The following DEXI variants were observed in gnomAD, a reference collection of about 807,000 sequenced individuals.
DEXI encodes the protein Dexi homolog, also known as dexamethasone-induced protein.
A neutral mutation model predicts 2.5 loss-of-function variants in DEXI; 2 were observed. That is an observed-to-expected ratio of 0.81 (90% CI 0.33 to 2.55). The LOEUF is 2.55. Among genes scored for constraint, DEXI ranks in the 30% most tolerant of loss-of-function variants. The pLI, the probability that DEXI is intolerant of heterozygous loss-of-function variation, is 0.11. For missense variants in DEXI, 108 were observed against 130.3 expected, an observed-to-expected ratio of 0.83 and a Z score of 0.83; for synonymous variants, 71 against 68.7, an observed-to-expected ratio of 1.03 and a Z score of -0.17.
rs1053564337 is a variant in DEXI at position 10,938,391 on chromosome 16, C to T, written c.*149+3178G>A. On this transcript the variant is annotated intron_variant, in intron 1 of 1. Coordinates refer to ENST00000331808, the MANE Select transcript of DEXI (RefSeq NM_014015.4). The surrounding 1 kb of genome is among the most constrained non-coding windows in gnomAD (Gnocchi z 4.9). Reference sequence around the variant, plus strand: ...AGAGAAAAAAAAAAAAAAGAGGGAGCAAAAGTAGGTGCACCTGTTCATCTT... The same window carrying T: ...AGAGAAAAAAAAAAAAAAGAGGGAGTAAAAGTAGGTGCACCTGTTCATCTT... 6.6e-6 allele frequency: 1 copy of T among 151,270 alleles called. No individual in the cohort carries two copies. Among genetic ancestry groups the T allele is most frequent in the Non-Finnish European group, 1.5e-5 (1 of 67,834 alleles). 9.4% of individuals were successfully genotyped at this position (151,270 alleles called of 1,614,324 possible).
At chr16:10,932,027 G>A (rs77748927) in intron 1 of DEXI, 1 of 152,256 alleles carries the variant, frequency 6.6e-6, no homozygotes, top group Non-Finnish European at 1.5e-5. Flanking sequence ...TGAGGATTTT[G>A]ATCCAAGCTG....
chr16:10,937,822 T>G lies in DEXI; in HGVS notation c.*149+3747A>C, dbSNP rs2041050221. The G allele has an allele frequency of 6.6e-6, 1 of 152,052 alleles. No individual in the cohort carries two copies. The highest frequency in any genetic ancestry group is 2.1e-4 in the South Asian group (1 of 4,828). The allele number at this position is 152,052 out of a possible 1,614,324, so 9.4% of individuals were successfully genotyped here. ...TGCTCCTGGGCAACAATTAACACTCTAGGAAAACCACAGAGCCGGCTATCC... is the reference window on the plus strand; with the variant it reads ...TGCTCCTGGGCAACAATTAACACTCGAGGAAAACCACAGAGCCGGCTATCC... On this transcript the variant is annotated intron_variant, in intron 1 of 1. Coordinates refer to ENST00000331808, the MANE Select transcript of DEXI (RefSeq NM_014015.4). The surrounding 1 kb of genome is among the most constrained non-coding windows in gnomAD (Gnocchi z 4.2).
At chr16:10,933,231 A>G (rs2040874835) in intron 1 of DEXI, 1 of 152,318 alleles carries the variant, frequency 6.6e-6, no homozygotes, top group Non-Finnish European at 1.5e-5. Context: ...TTCTGTAGTC[A>G]GAATGACAGT....
rs1384361889 is a variant in DEXI at position 10,941,876 on chromosome 16, C to G, written c.130G>C (p.Ala44Pro). 10 of 1,611,834 alleles carry G rather than the reference C, an allele frequency of 6.2e-6. No homozygotes were observed. Among genetic ancestry groups the G allele is most frequent in the Non-Finnish European group, 7.6e-6 (9 of 1,179,676 alleles). ...AGGACGATGTACTCCATGAGGAAGG[C>G]GTAGTACAGGATCAGCACATTGACG... Reference protein sequence around the residue: ...FFVNVLILYYAFLMEYIVLNV... With the variant: ...FFVNVLILYYPFLMEYIVLNV... The change falls in exon 1 of 2, where the codon GCC (alanine) becomes CCC (proline). Residue 44 changes from alanine to proline, a missense_variant. Physicochemically the swap from Ala to Pro is conservative, Grantham distance 27. Transcript: ENST00000331808. This position sits in a 1 kb window ranked among gnomAD's most constrained non-coding sequence, Gnocchi z 6.4.
In DEXI at chr16:10,929,549, G is replaced by T. The variant is rs60453756; in HGVS notation, c.*160C>A. 2,508 of 985,460 alleles carry T rather than the reference G, an allele frequency of 2.5e-3. 22 individuals are homozygous for T. The highest frequency in any genetic ancestry group is 0.025 in the African/African-American group (1,451 of 57,326). 61.0% of individuals were successfully genotyped at this position (985,460 alleles called of 1,614,324 possible). A position where few individuals can be genotyped will look rare whatever the true frequency, so the allele number is the denominator to read the frequency against. On this transcript the variant is annotated 3_prime_UTR_variant, in exon 2 of 2. Transcript: ENST00000331808. This position sits in a 1 kb window ranked among gnomAD's most constrained non-coding sequence, Gnocchi z 4.3. ...CTCTCTGTTGGCACGAAGCTTTTGA[G>T]GGGAGCAGGTCTAACAAGAAGGAAA... is the stretch of plus-strand genomic sequence containing the variant.
At position 10,941,822 on chromosome 16, in the gene DEXI, C is replaced by T. The variant is rs765635147; in HGVS notation, c.184G>A (p.Asp62Asn). Residue 62 changes from aspartate to asparagine, a missense_variant, in exon 1 of 2, where the codon GAC becomes AAC. Physicochemically the swap from Asp to Asn is conservative, Grantham distance 23 (BLOSUM62 1). Transcript: ENST00000331808. This position sits in a 1 kb window ranked among gnomAD's most constrained non-coding sequence, Gnocchi z 6.4. The stretch of plus-strand genomic sequence containing the variant: ...AGGTCCACGAGCGCCTGGTCCATGT[C>T]CTCGGGCAGGAAGACGAGGCCCACG... ...LNVGLVFLPE[D>N]MDQALVDLGV... 5.6e-6 allele frequency: 9 copies of T among 1,613,532 alleles called. No homozygotes were observed. Among genetic ancestry groups the T allele is most frequent in the Non-Finnish European group, 7.6e-6 (9 of 1,179,852 alleles).
Position 10,941,505 on chromosome 16 carries a change from A to C in DEXI, c.*149+64T>G. 7.3e-7 allele frequency: 1 copy of C among 1,372,052 alleles called. No individual in the cohort carries two copies. The highest frequency in any genetic ancestry group is 2.8e-5 in the East Asian group (1 of 35,388). 85.0% of individuals were successfully genotyped at this position (1,372,052 alleles called of 1,614,324 possible). A position where few individuals can be genotyped will look rare whatever the true frequency, so the allele number is the denominator to read the frequency against. ...GGGAGGGGTGTGTATCCGGCCTGGG[A>C]ATTCCTCCCTCTCCCTTGCTAGCGC... On this transcript the variant is annotated intron_variant, in intron 1 of 1. Coordinates refer to ENST00000331808, the MANE Select transcript of DEXI (RefSeq NM_014015.4). The surrounding 1 kb of genome is among the most constrained non-coding windows in gnomAD (Gnocchi z 6.4).
In DEXI at chr16:10,941,793, G is replaced by A; in HGVS notation, c.213C>T (p.Gly71=). 1 of 1,613,698 alleles carries A rather than the reference G, an allele frequency of 6.2e-7. No homozygotes were observed. Among genetic ancestry groups the A allele is most frequent in the South Asian group, 1.1e-5 (1 of 91,068 alleles). The change falls in exon 1 of 2, where the codon GGC becomes GGT. Residue 71 remains glycine (G), a synonymous_variant. Coordinates refer to ENST00000331808, the MANE Select transcript of DEXI (RefSeq NM_014015.4). This position sits in a 1 kb window ranked among gnomAD's most constrained non-coding sequence, Gnocchi z 6.4. ...EDMDQALVDL[G]VLSDPGSGLY... Reference sequence around the variant, plus strand: ...GGCCCGAGCCGGGGTCGGAGAGCACGCCGAGGTCCACGAGCGCCTGGTCCA... The same window carrying A: ...GGCCCGAGCCGGGGTCGGAGAGCACACCGAGGTCCACGAGCGCCTGGTCCA...
intron 1 of DEXI, chr16:10,935,831 GTA>G (rs2041001169): frequency 6.6e-6 from 1 of 152,164 alleles, no homozygotes; most frequent in Admixed American, 6.5e-5. Context: ...CACCAGCCTT[GTA>G]CTCTGCTTAA....
chr16:10,941,581 C>A lies in DEXI; in HGVS notation c.*137G>T. 1 of 1,460,098 alleles carries A rather than the reference C, an allele frequency of 6.8e-7. No individual in the cohort carries two copies. The highest frequency in any genetic ancestry group is 1.5e-5 in the South Asian group (1 of 68,262). 90.4% of individuals were successfully genotyped at this position (1,460,098 alleles called of 1,614,324 possible). The stretch of plus-strand genomic sequence containing the variant: ...AGAGGGCACTTACAGGCCTCGGAGG[C>A]AGGGGAGGGTCTCCTCCTGGGGAAC... On this transcript the variant is annotated 3_prime_UTR_variant, in exon 1 of 2. Transcript: ENST00000331808. The surrounding 1 kb of genome is among the most constrained non-coding windows in gnomAD (Gnocchi z 6.4).
rs548719759 is a variant in DEXI at position 10,941,655 on chromosome 16, G to A, written c.*63C>T. On this transcript the variant is annotated 3_prime_UTR_variant, in exon 1 of 2. Transcript: ENST00000331808. The surrounding 1 kb of genome is among the most constrained non-coding windows in gnomAD (Gnocchi z 6.4). ...CAACCAGCTGCGGCGGCATGATCTG[G>A]GCGGCTGGTCCAGGGCATGGGTTGC... 1.9e-5 allele frequency: 29 copies of A among 1,542,384 alleles called. No individual in the cohort carries two copies. In the East Asian group the frequency reaches 2.3e-4, roughly 12 times the overall value.
In DEXI at chr16:10,929,070, G is replaced by C; in HGVS notation, c.*639C>G. ...GTTTTGCCAACTTGCTGAAGAACGA[G>C]TAACCTGAAATGAAGGAGCGAGAAT... On this transcript the variant is annotated 3_prime_UTR_variant, in exon 2 of 2. Transcript: ENST00000331808. This position sits in a 1 kb window ranked among gnomAD's most constrained non-coding sequence, Gnocchi z 4.3. The C allele has an allele frequency of 5.6e-6, 2 of 354,310 alleles. No individual in the cohort carries two copies. Among genetic ancestry groups the C allele is most frequent in the Non-Finnish European group, 7.9e-6 (2 of 252,796 alleles). 21.9% of individuals were successfully genotyped at this position (354,310 alleles called of 1,614,324 possible).
rs1274997590 is a variant in DEXI at position 10,929,232 on chromosome 16, G to A, written c.*477C>T. 2 of 985,816 alleles carry A rather than the reference G, an allele frequency of 2.0e-6. No homozygotes were observed. Among genetic ancestry groups the A allele is most frequent in the African/African-American group, 3.5e-5 (2 of 57,250 alleles). The allele number at this position is 985,816 out of a possible 1,614,324, so 61.1% of individuals were successfully genotyped here. On this transcript the variant is annotated 3_prime_UTR_variant, in exon 2 of 2. Coordinates refer to ENST00000331808, the MANE Select transcript of DEXI (RefSeq NM_014015.4). This position sits in a 1 kb window ranked among gnomAD's most constrained non-coding sequence, Gnocchi z 4.3. ...CTCAACTCACATCAAACGGAGCTGG[G>A]AGTCGCTTTTGCGTGTGTCCGCAGT...
At position 10,939,233 on chromosome 16, in the gene DEXI, C is replaced by G. The variant is rs909987253; in HGVS notation, c.*149+2336G>C. ...CTATCTTCACTAAACTCCCCTCATCCAAGCCTCTGTCACCTCTGGCCTGGA... is the reference window on the plus strand; with the variant it reads ...CTATCTTCACTAAACTCCCCTCATCGAAGCCTCTGTCACCTCTGGCCTGGA... On this transcript the variant is annotated intron_variant, in intron 1 of 1. Transcript: ENST00000331808. This position sits in a 1 kb window ranked among gnomAD's most constrained non-coding sequence, Gnocchi z 4.9. 2 of 152,250 alleles carry G rather than the reference C, an allele frequency of 1.3e-5. No individual in the cohort carries two copies. Among genetic ancestry groups the G allele is most frequent in the Non-Finnish European group, 2.9e-5 (2 of 68,076 alleles). 9.4% of individuals were successfully genotyped at this position (152,250 alleles called of 1,614,324 possible).
chr16:10,941,508 T>G lies in DEXI; in HGVS notation c.*149+61A>C. The G allele has an allele frequency of 7.3e-7, 1 of 1,372,650 alleles. No individual in the cohort carries two copies. The highest frequency in any genetic ancestry group is 9.4e-7 in the Non-Finnish European group (1 of 1,058,626). 85.0% of individuals were successfully genotyped at this position (1,372,650 alleles called of 1,614,324 possible). A position where few individuals can be genotyped will look rare whatever the true frequency, so the allele number is the denominator to read the frequency against. On this transcript the variant is annotated intron_variant, in intron 1 of 1. Transcript: ENST00000331808. This position sits in a 1 kb window ranked among gnomAD's most constrained non-coding sequence, Gnocchi z 6.4. ...AGGGGTGTGTATCCGGCCTGGGAATTCCTCCCTCTCCCTTGCTAGCGCCCC... is the reference window on the plus strand; with the variant it reads ...AGGGGTGTGTATCCGGCCTGGGAATGCCTCCCTCTCCCTTGCTAGCGCCCC...
At position 10,941,069 on chromosome 16, in the gene DEXI, T is replaced by C. The variant is rs2145445833; in HGVS notation, c.*149+500A>G. ...GCTTGCGATTTCTCCTCTCACAGCT[T>C]TGGCCTAGAGCCCCTGCACTTAATC... On this transcript the variant is annotated intron_variant, in intron 1 of 1. Transcript: ENST00000331808. The surrounding 1 kb of genome is among the most constrained non-coding windows in gnomAD (Gnocchi z 6.4). 1 of 152,382 alleles carries C rather than the reference T, an allele frequency of 6.6e-6. No individual in the cohort carries two copies. The highest frequency in any genetic ancestry group is 1.9e-4 in the East Asian group (1 of 5,174). The allele number at this position is 152,382 out of a possible 1,614,324, so 9.4% of individuals were successfully genotyped here.
At chr16:10,935,884 G>A (rs1395880156) in intron 1 of DEXI, 2 of 152,260 alleles carry the variant, frequency 1.3e-5, no homozygotes, top group East Asian at 3.9e-4. Flanking sequence ...CTGAAGAGCT[G>A]ATCCAGACTG....
chr16:10,942,407 C>T lies in DEXI; in HGVS notation c.-402G>A. 1 of 162,326 alleles carries T rather than the reference C, an allele frequency of 6.2e-6. No individual in the cohort carries two copies. Among genetic ancestry groups the T allele is most frequent in the Non-Finnish European group, 1.3e-5 (1 of 74,744 alleles). 10.1% of individuals were successfully genotyped at this position (162,326 alleles called of 1,614,324 possible). A position where few individuals can be genotyped will look rare whatever the true frequency, so the allele number is the denominator to read the frequency against. On this transcript the variant is annotated 5_prime_UTR_variant, in exon 1 of 2. Coordinates refer to ENST00000331808, the MANE Select transcript of DEXI (RefSeq NM_014015.4). This position sits in a 1 kb window ranked among gnomAD's most constrained non-coding sequence, Gnocchi z 5.0. ...GCCCCGCAGGTCCTCGCGCACCCCC[C>T]GCGCCCCCGCAGGCCCAGCACCCAT...
intron 1 of DEXI, chr16:10,932,272 C>G (rs2040830305): frequency 6.6e-6 from 1 of 152,230 alleles, no homozygotes; most frequent in African/African-American, 2.4e-5. Context: ...AAATGAAAAT[C>G]GTGACAACAC....
Sources: allele counts gnomAD v4.1 joint callset, GRCh38; gene constraint gnomAD v4.1.1; non-coding constraint Gnocchi (gnomAD v3.1); transcripts MANE v1.5; gene names NCBI Gene and HGNC (gene_info 2026-07-23, HGNC 2026-07-21).